The following PHF14 variants were observed in gnomAD, a reference collection of about 807,000 sequenced individuals.
PHF14 encodes PHD finger protein 14.
PHF14 carries 55 observed loss-of-function variants against 117.9 expected under a neutral mutation model. That is an observed-to-expected ratio of 0.47 (90% CI 0.38 to 0.58). PHF14 has a LOEUF of 0.58. Ranked by LOEUF, PHF14 falls within the 20% of genes least tolerant of loss-of-function variation. The probability of loss-of-function intolerance (pLI) is 0.00; values close to 1 mark genes in which losing one functional copy is unlikely to be tolerated. For synonymous variants in PHF14, 409 were observed against 368.6 expected (o/e 1.11, Z -1.26); for missense variants, 978 against 1,122.2 (o/e 0.87, Z 1.84).
chr7:11,007,280 C>G (rs755083261), intron 4 of PHF14, among the ~76,000 whole-genome samples: 8 of 151,002 alleles, frequency 5.3e-5, no homozygotes, highest in Non-Finnish European at 7.4e-5. Context: ...TTTTAATGGT[C>G]TTTGTCTGTT....
At chr7:11,097,309 A>T (rs1422006426) in intron 16 of PHF14, among the ~76,000 whole-genome samples, 2 of 152,172 alleles carry the variant, frequency 1.3e-5, no homozygotes, top group South Asian at 2.1e-4. Flanking sequence ...TATTTTATTC[A>T]TATTGCCACA....
At position 10,994,873 on chromosome 7, in the gene PHF14, C is replaced by T. The variant is rs570058178; in HGVS notation, c.1045+4026C>T. Among the ~76,000 whole-genome samples the T allele has an allele frequency of 3.1e-4, 47 of 152,204 alleles. No homozygotes were observed. The South Asian group carries it at 6.4e-3, about 21-fold the overall frequency. On this transcript the variant is annotated intron_variant, in intron 4 of 17. Transcript: ENST00000634607. ...CAGCAGCAAGATTTATTGCAAAGAG[C>T]GAAAGAACAAAGCTTCCACAGTGTG...
rs370777256 is a variant in PHF14 at position 11,022,851 on chromosome 7, A to G, written c.1206-17A>G. 6.2e-5 allele frequency: 88 copies of G among 1,416,034 alleles called. 1 individual carries two copies. The highest frequency in any genetic ancestry group is 3.6e-4 in the Middle Eastern group (2 of 5,584). 87.7% of individuals were successfully genotyped at this position (1,416,034 alleles called of 1,614,324 possible). A position where few individuals can be genotyped will look rare whatever the true frequency, so the allele number is the denominator to read the frequency against. On this transcript the variant is annotated splice_polypyrimidine_tract_variant and intron_variant, in intron 5 of 17. Coordinates refer to ENST00000634607, the MANE Select transcript of PHF14 (RefSeq NM_001007157.2). ...TATTAAAAGATTTGATAGCAAAATC[A>G]TATCTTCTCTTCTTAGATGGGTTCA...
At chr7:11,087,217 A>G (rs1554270223) in intron 16 of PHF14, among the ~76,000 whole-genome samples, 1 of 148,732 alleles carries the variant, frequency 6.7e-6, no homozygotes, top group Admixed American at 6.7e-5. Flanking sequence ...GTTAAGATGG[A>G]GTCTCGCTCT....
rs144872054 is a variant in PHF14, at chr7:11,008,024, C to T, written c.1046-5723C>T. Among the ~76,000 whole-genome samples, 816 of 152,088 alleles carry T rather than the reference C, an allele frequency of 5.4e-3. 19 individuals carry two copies. Among genetic ancestry groups the T allele is most frequent in the Admixed American group, 0.039 (593 of 15,268 alleles). On this transcript the variant is annotated intron_variant, in intron 4 of 17. Transcript: ENST00000634607. Reference sequence around the variant, plus strand: ...CTTCTAATATTAGGGTACCTCTGACCGTGATGTCACTTATCCTGATATCCT... The same window carrying T: ...CTTCTAATATTAGGGTACCTCTGACTGTGATGTCACTTATCCTGATATCCT...
chr7:10,991,759 A>ATT (rs71023881), intron 4 of PHF14, among the ~76,000 whole-genome samples: 11,725 of 111,010 alleles, frequency 0.11, 1,333 homozygotes, highest in African/African-American at 0.18. Context: ...TAATTTTTTA[A>ATT]TTTTTTTTTT....
At chr7:11,102,949 A>G in intron 16 of PHF14, 1 of 1,038,592 alleles carries the variant, frequency 9.6e-7, no homozygotes, top group South Asian at 3.7e-5. Flanking sequence ...TAAATACAAT[A>G]TGCTACTCCC....
At chr7:11,100,396 C>A (rs551829428) in intron 16 of PHF14, among the ~76,000 whole-genome samples, 17 of 152,006 alleles carry the variant, frequency 1.1e-4, no homozygotes, top group African/African-American at 3.9e-4. Context: ...TCAGTTCTTA[C>A]AACAGTCCTA....
intron 4 of PHF14, among the ~76,000 whole-genome samples, chr7:10,994,227 C>G (rs1020120398): frequency 6.6e-5 from 10 of 152,052 alleles, no homozygotes; most frequent in East Asian, 3.9e-4. Flanking sequence ...CACTTGAGGT[C>G]AGAAGTTCAA....
At chr7:11,113,263 A>T (rs185738420) in intron 17 of PHF14, among the ~76,000 whole-genome samples, 17 of 152,254 alleles carry the variant, frequency 1.1e-4, no homozygotes, top group African/African-American at 3.6e-4. Flanking sequence ...TGAAAAGGCA[A>T]GGGGGCATAT....
chr7:11,144,304 G>A (rs1788481798), intron 17 of PHF14, among the ~76,000 whole-genome samples: 1 of 151,916 alleles, frequency 6.6e-6, no homozygotes, highest in Admixed American at 6.6e-5. Flanking sequence ...AAACAGTATG[G>A]ATGTTTCTCA....
At chr7:11,004,401 T>G (rs1220775085) in intron 4 of PHF14, among the ~76,000 whole-genome samples, 1 of 150,992 alleles carries the variant, frequency 6.6e-6, no homozygotes, top group Non-Finnish European at 1.5e-5. Flanking sequence ...AAATATATAT[T>G]TTTAATTTAA....
At chr7:11,092,904 GT>G (rs961533354) in intron 16 of PHF14, among the ~76,000 whole-genome samples, 35 of 152,228 alleles carry the variant, frequency 2.3e-4, no homozygotes, top group South Asian at 6.2e-4. Flanking sequence ...GTTAAAGGGT[GT>G]TTTTTTCCCC....
rs1428582496 is a variant in PHF14, at chr7:11,062,014, G to A, written c.2583G>A (p.Lys861=). 6 of 1,605,646 alleles carry A rather than the reference G, an allele frequency of 3.7e-6. No homozygotes were observed. Among genetic ancestry groups the A allele is most frequent in the Non-Finnish European group, 5.1e-6 (6 of 1,175,352 alleles). ...AAAGACAGTCTGTGTTGCAAAAGAA[G>A]CCCAAGGCTGAAGATTTAAGAACTG... is the stretch of plus-strand genomic sequence containing the variant. The part of the protein sequence containing the change: ...RRQRQSVLQK[K]PKAEDLRTEC... Residue 861 remains lysine (K), a synonymous_variant, in exon 16 of 18, where the codon AAG becomes AAA. Coordinates refer to ENST00000634607, the MANE Select transcript of PHF14 (RefSeq NM_001007157.2).
intron 16 of PHF14, among the ~76,000 whole-genome samples, chr7:11,097,498 AT>A (rs1176050357): frequency 3.3e-5 from 5 of 152,122 alleles, no homozygotes; most frequent in Non-Finnish European, 1.5e-5. Context: ...TGAAATCACA[AT>A]TTAATTTCTT....
chr7:11,155,760 ATGTTTTTTTTT>A (rs1788824457), intron 17 of PHF14, among the ~76,000 whole-genome samples: 1 of 149,870 alleles, frequency 6.7e-6, no homozygotes, highest in South Asian at 2.1e-4. Flanking sequence ...CTTATATACA[ATGTTTTTTTTT>A]TGTTTTTTTT....
chr7:11,063,542 T>G, intron 16 of PHF14: 3 of 975,652 alleles, frequency 3.1e-6, no homozygotes, highest in Non-Finnish European at 3.7e-6. Context: ...ATAGAGCTGG[T>G]GATCCTTTTA....
Position 11,130,483 on chromosome 7 carries a change from G to C in PHF14, c.2772+19016G>C, listed in dbSNP as rs1424050057. Among the ~76,000 whole-genome samples the C allele has an allele frequency of 6.6e-6, 1 of 151,836 alleles. No individual in the cohort carries two copies. The highest frequency in any genetic ancestry group is 1.5e-5 in the Non-Finnish European group (1 of 67,892). On this transcript the variant is annotated intron_variant, in intron 17 of 17. Transcript: ENST00000634607. The surrounding 1 kb of genome is among the most constrained non-coding windows in gnomAD (Gnocchi z 4.2). ...TTTTTTCTTTGCTTTTTTAAAAATA[G>C]CCTTTTGGTAGTATTTTTGATTTTT...
chr7:11,073,008 G>C (rs1441894470), intron 16 of PHF14, among the ~76,000 whole-genome samples: 1 of 152,160 alleles, frequency 6.6e-6, no homozygotes, highest in Non-Finnish European at 1.5e-5. Context: ...CCTCCCACCA[G>C]GCCCACCTCC....
Sources: allele counts gnomAD v4.1 joint callset (sites outside exome capture counted in the v4.1 genomes callset), GRCh38; gene constraint gnomAD v4.1.1; non-coding constraint Gnocchi (gnomAD v3.1); transcripts MANE v1.5; gene names NCBI Gene and HGNC (gene_info 2026-07-23, HGNC 2026-07-21).